Variants in MMP27 observed in about 807,000 individuals in gnomAD.
MMP27 encodes matrix metalloproteinase-27.
In MMP27, 51 loss-of-function variants were observed where a neutral mutation model predicts 48.1. That is an observed-to-expected ratio of 1.06 (90% confidence interval 0.85 to 1.34). The LOEUF is 1.34. Ranked by LOEUF, MMP27 falls within the 40% of genes most tolerant of loss-of-function variation. The pLI is 0.00. For synonymous variants in MMP27, 229 were observed against 208.9 expected, an observed-to-expected ratio of 1.10 and a Z score of -0.83; for missense variants, 698 against 619.3, an observed-to-expected ratio of 1.13 and a Z score of -1.35.
At position 102,703,110 on chromosome 11, in the gene MMP27, T is replaced by C; in HGVS notation, c.350A>G (p.Asn117Ser). ...RKYNLTYRIINYTPDMARAAV... is the reference protein window; with the variant it reads ...RKYNLTYRIISYTPDMARAAV... ...AGCTCGTGCCATATCCGGAGTATAG[T>C]TTATTATTCTTAAAAATTAACAAAA... Residue 117 changes from asparagine (N) to serine (S), a missense_variant, in exon 3 of 10, where the codon AAC becomes AGC. Transcript: ENST00000260229. 6.2e-7 allele frequency: 1 copy of C among 1,609,712 alleles called. No individual in the cohort carries two copies. The highest frequency in any genetic ancestry group is 1.3e-5 in the African/African-American group (1 of 74,722).
In MMP27 at chr11:102,705,688, C is replaced by G. The variant is rs1280558552; in HGVS notation, c.27G>C (p.Leu9Phe). 3 of 1,606,044 alleles carry G rather than the reference C, an allele frequency of 1.9e-6. No individual in the cohort carries two copies. In the East Asian group the frequency reaches 6.8e-5, roughly 36 times the overall value. Reference protein sequence around the residue: MKRLLLLFLFFITFSSAFP... With the variant: MKRLLLLFFFFITFSSAFP... ...ATGCAGAAGAAAATGTTATAAAGAA[C>G]AAAAACAGAAGCAGAAGGCGCTTCA... The change falls in exon 1 of 10, where the codon TTG (leucine) becomes TTC (phenylalanine). Residue 9 changes from leucine to phenylalanine, a missense_variant. Transcript: ENST00000260229.
chr11:102,703,143 A>C, intron 2 of MMP27, 25 bp from the exon 3 acceptor site: 1 of 1,603,272 alleles, frequency 6.2e-7, no homozygotes, highest in Non-Finnish European at 8.5e-7. Context: ...AAAATATGTC[A>C]ATTTCTGGCT....
chr11:102,702,331 C>G (rs1187902996), intron 4 of MMP27, among the ~76,000 whole-genome samples: 1 of 152,210 alleles, frequency 6.6e-6, no homozygotes, highest in Non-Finnish European at 1.5e-5. Flanking sequence ...AGTCTTCTTT[C>G]AATCCTCAAG....
rs1021144650 is a variant in MMP27, at chr11:102,699,967, T to C, written c.619+2786A>G. 2.6e-5 allele frequency among the ~76,000 whole-genome samples: 4 copies of C among 152,228 alleles called. No individual in the cohort carries two copies. In the South Asian group the frequency reaches 8.3e-4, roughly 31 times the overall value. On this transcript the variant is annotated intron_variant, in intron 4 of 9. Coordinates refer to ENST00000260229, the MANE Select transcript of MMP27 (RefSeq NM_022122.3). ...TCAGGCTTGACATAGCTTCCTCTGCTGACCTGTGGGTCTGGGTTGGACTTT... is the reference window on the plus strand; with the variant it reads ...TCAGGCTTGACATAGCTTCCTCTGCCGACCTGTGGGTCTGGGTTGGACTTT...
At position 102,696,390 on chromosome 11, in the gene MMP27, C is replaced by A; in HGVS notation, c.883G>T (p.Val295Leu). ...GTTTACCTGCCTTTAAAGAACATTA[C>A]TTCTCTGCGGAAAGTTGTGATAGCG... ...FDAITTFRRE[V>L]MFFKGRHLWR... The change falls in exon 6 of 10, where the codon GTA becomes TTA. Residue 295 changes from valine to leucine, a missense_variant. Transcript: ENST00000260229. The A allele has an allele frequency of 6.2e-7, 1 of 1,613,742 alleles. No homozygotes were observed.
chr11:102,691,854 C>T lies in MMP27; in HGVS notation c.1454G>A (p.Gly485Glu). 1.2e-6 allele frequency: 2 copies of T among 1,613,426 alleles called. No individual in the cohort carries two copies. The highest frequency in any genetic ancestry group is 1.3e-5 in the African/African-American group (1 of 75,004). The change falls in exon 10 of 10, where the codon GGA (glycine) becomes GAA (glutamate). Residue 485 changes from glycine (G) to glutamate (E), a missense_variant. Transcript: ENST00000260229. ...FDINKEKAHS[G>E]GIKILYHKSL... ...CTTATGATACAATATCTTTATGCCT[C>T]CTGAATGTGCTTTTTCCTTGTTGAT... is the stretch of plus-strand genomic sequence containing the variant.
At chr11:102,695,532 C>T (rs1259209527) in intron 6 of MMP27, among the ~76,000 whole-genome samples, 2 of 152,178 alleles carry the variant, frequency 1.3e-5, no homozygotes, top group African/African-American at 2.4e-5. Context: ...AATTCTGAGT[C>T]TATGAATGAG....
intron 9 of MMP27, among the ~76,000 whole-genome samples, chr11:102,692,237 C>T (rs548877260): frequency 1.8e-4 from 28 of 152,256 alleles, no homozygotes; most frequent in African/African-American, 5.8e-4. Context: ...GACTTTTTAC[C>T]TTTCTAGCCA....
chr11:102,692,787 G>A (rs1053034634), intron 9 of MMP27, 151 bp downstream of exon 9: 3 of 587,028 alleles, frequency 5.1e-6, no homozygotes, highest in African/African-American at 3.7e-5. Flanking sequence ...TTCAGTTTGT[G>A]ATAATGTTTG....
intron 5 of MMP27, 21 bp from the exon 6 acceptor site, chr11:102,696,512 C>T (rs887317108): frequency 1.1e-5 from 17 of 1,611,784 alleles, no homozygotes; most frequent in Non-Finnish European, 1.4e-5. Flanking sequence ...AAAAAAAATA[C>T]CACAATGAAT....
intron 9 of MMP27, 134 bp from the exon 10 acceptor site, chr11:102,692,144 A>G: frequency 1.3e-6 from 1 of 761,888 alleles, no homozygotes; most frequent in South Asian, 2.7e-5. Context: ...CATACATTTT[A>G]GTTTTCTACT....
chr11:102,691,953 T>C lies in MMP27; in HGVS notation c.1355A>G (p.Asn452Ser). ...KQFEYDIKTK[N>S]ITRIMRTNTW... is the part of the protein sequence containing the mutation. Reference sequence around the variant, plus strand: ...ATTAGTTCTCATGATTCGGGTAATATTCTTTGTCTTAATGTCGTATTCAAA... The same window carrying C: ...ATTAGTTCTCATGATTCGGGTAATACTCTTTGTCTTAATGTCGTATTCAAA... Residue 452 changes from asparagine to serine, a missense_variant, in exon 10 of 10, where the codon AAT becomes AGT. By Grantham distance (46) the Asn-to-Ser change is conservative (BLOSUM62 1). Transcript: ENST00000260229. 2.5e-6 allele frequency: 4 copies of C among 1,613,118 alleles called. No individual in the cohort carries two copies. The highest frequency in any genetic ancestry group is 3.4e-6 in the Non-Finnish European group (4 of 1,179,554).
Position 102,693,945 on chromosome 11 carries a change from G to A in MMP27, c.1154C>T (p.Thr385Ile), listed in dbSNP as rs745382856. The change falls in exon 8 of 10, where the codon ACA becomes ATA. Residue 385 changes from threonine to isoleucine, a missense_variant. Transcript: ENST00000260229. The stretch of plus-strand genomic sequence containing the variant: ...GCCCACAAAGAAGTAGGTTTTTCTT[G>A]TGGTCTTATCACAGACGGCTGCATC... ...KIDAAVCDKT[T>I]RKTYFFVGIW... 6 of 1,608,586 alleles carry A rather than the reference G, an allele frequency of 3.7e-6. No individual in the cohort carries two copies. Among genetic ancestry groups the A allele is most frequent in the Non-Finnish European group, 5.1e-6 (6 of 1,177,654 alleles).
Position 102,696,956 on chromosome 11 carries a change from C to T in MMP27, c.620-121G>A, listed in dbSNP as rs1028799916. ...GGCTTGCTATACAGCAGATAATTCTCATATGTACCACCATTTATCTGGGAG... is the reference window on the plus strand; with the variant it reads ...GGCTTGCTATACAGCAGATAATTCTTATATGTACCACCATTTATCTGGGAG... On this transcript the variant is annotated intron_variant, in intron 4 of 9. Transcript: ENST00000260229. 8.2e-6 allele frequency: 8 copies of T among 978,684 alleles called. No individual in the cohort carries two copies. In the African/African-American group the frequency reaches 1.2e-4, roughly 14 times the overall value. The allele number at this position is 978,684 out of a possible 1,614,324, so 60.6% of individuals were successfully genotyped here.
Position 102,696,678 on chromosome 11 carries a change from G to A in MMP27, c.777C>T (p.Ile259=). The part of the protein sequence containing the change: ...SQDDINGIQS[I]YGGLPKEPAK... ...GAGATTTATAATTTTGCTCACCATA[G>A]ATGGACTGGATTCCATTGATATCAT... Residue 259 remains isoleucine, a synonymous_variant, in exon 5 of 10, where the codon ATC becomes ATT. Transcript: ENST00000260229. 1 of 1,610,930 alleles carries A rather than the reference G, an allele frequency of 6.2e-7. No homozygotes were observed. The highest frequency in any genetic ancestry group is 8.5e-7 in the Non-Finnish European group (1 of 1,179,148).
Position 102,691,829 on chromosome 11 carries a change from C to A in MMP27, c.1479G>T (p.Lys493Asn). 6.2e-7 allele frequency: 1 copy of A among 1,612,130 alleles called. No individual in the cohort carries two copies. The highest frequency in any genetic ancestry group is 8.5e-7 in the Non-Finnish European group (1 of 1,178,758). Reference sequence around the variant, plus strand: ...TACCAAAAATAAACAAGCTTAAACTCTTATGATACAATATCTTTATGCCTC... The same window carrying A: ...TACCAAAAATAAACAAGCTTAAACTATTATGATACAATATCTTTATGCCTC... ...HSGGIKILYH[K>N]SLSLFIFGIV... The change falls in exon 10 of 10, where the codon AAG becomes AAT. Residue 493 changes from lysine (K) to asparagine (N), a missense_variant. Transcript: ENST00000260229.
rs1277024599 is a variant in MMP27 at position 102,691,500 on chromosome 11, A to G, written c.*266T>C. The stretch of plus-strand genomic sequence containing the variant: ...GTCCAGACAAAATAGAATGCTAAAG[A>G]TTGGTTTAATAAATGTTTCAGTATT... On this transcript the variant is annotated 3_prime_UTR_variant, in exon 10 of 10. Transcript: ENST00000260229. 2 of 295,228 alleles carry G rather than the reference A, an allele frequency of 6.8e-6. No individual in the cohort carries two copies. Among genetic ancestry groups the G allele is most frequent in the Non-Finnish European group, 1.3e-5 (2 of 159,330 alleles). The allele number at this position is 295,228 out of a possible 1,614,324, so 18.3% of individuals were successfully genotyped here. A position where few individuals can be genotyped will look rare whatever the true frequency, so the allele number is the denominator to read the frequency against.
Position 102,692,026 on chromosome 11 carries a change from C to T in MMP27, c.1298-16G>A, listed in dbSNP as rs749824674. 125 of 1,577,736 alleles carry T rather than the reference C, an allele frequency of 7.9e-5. No homozygotes were observed. The highest frequency in any genetic ancestry group is 1.1e-4 in the Non-Finnish European group (123 of 1,162,702). ...AAGAAGAATCCTAGAGACAGGGAATCAGGATTAGTTATCTTTCATAACTAT... is the reference window on the plus strand; with the variant it reads ...AAGAAGAATCCTAGAGACAGGGAATTAGGATTAGTTATCTTTCATAACTAT... On this transcript the variant is annotated splice_polypyrimidine_tract_variant and intron_variant, in intron 9 of 9. Transcript: ENST00000260229.
rs375973249 is a variant in MMP27 at position 102,696,524 on chromosome 11, A to T, written c.782-33T>A. 2.3e-5 allele frequency: 37 copies of T among 1,610,222 alleles called. No individual in the cohort carries two copies. The African/African-American group carries it at 3.1e-4, about 13-fold the overall frequency. On this transcript the variant is annotated intron_variant, in intron 5 of 9. Coordinates refer to ENST00000260229, the MANE Select transcript of MMP27 (RefSeq NM_022122.3). ...GAGAAAAAAAATACCACAATGAATT[A>T]AGAGGGCATGAAGAAATATGCCTAC...
Sources: gnomAD v4.1 joint callset for allele counts (sites outside exome capture counted in the v4.1 genomes callset) on GRCh38, gnomAD v4.1.1 for gene constraint, MANE v1.5 for transcripts, NCBI Gene and HGNC (gene_info 2026-07-23, HGNC 2026-07-21) for gene names.